Variants in PTGIS observed in about 807,000 individuals in gnomAD.
PTGIS encodes the protein prostacyclin synthase.
PTGIS carries 45 observed loss-of-function variants against 50.3 expected under a neutral mutation model. The observed-to-expected ratio is 0.90, with a 90% CI of 0.70 to 1.15. The LOEUF (loss-of-function observed/expected upper bound fraction) is 1.15, where lower values mean the gene tolerates loss of function less well. PTGIS is among the 50% of genes most tolerant of loss of function. The pLI, the probability that PTGIS is intolerant of heterozygous loss-of-function variation, is 0.00. For synonymous variants in PTGIS, 260 were observed against 267.7 expected (o/e 0.97, Z 0.28); for missense variants, 668 against 661.3 (o/e 1.01, Z -0.11).
chr20:49,531,990 G>A (rs1834229777), intron 5 of PTGIS, among the ~76,000 whole-genome samples: 2 of 152,120 alleles, frequency 1.3e-5, no homozygotes, highest in African/African-American at 2.4e-5. Context: ...CAGAGTAGCC[G>A]CAAGCCCCAG....
intron 5 of PTGIS, among the ~76,000 whole-genome samples, chr20:49,534,541 T>C (rs1338901220): frequency 1.3e-5 from 2 of 152,056 alleles, no homozygotes. Flanking sequence ...GTGGAGGAAA[T>C]GGTAATGGAG....
In PTGIS at chr20:49,514,215, T is replaced by A. The variant is rs1378898460; in HGVS notation, c.1024+12A>T. On this transcript the variant is annotated intron_variant, in intron 7 of 9. Coordinates refer to ENST00000244043, the MANE Select transcript of PTGIS (RefSeq NM_000961.4). ...GTCTTAGGGGCTATCTTGGAGGGTC[T>A]GACGATCTCACCAAGCACAGGTGTG... The A allele has an allele frequency of 6.2e-7, 1 of 1,613,092 alleles. No homozygotes were observed. Among genetic ancestry groups the A allele is most frequent in the Non-Finnish European group, 8.5e-7 (1 of 1,180,000 alleles).
rs1229452265 is a variant in PTGIS, at chr20:49,511,052, C to G, written c.1334G>C (p.Ser445Thr). The G allele has an allele frequency of 2.5e-6, 4 of 1,613,886 alleles. No homozygotes were observed. Among genetic ancestry groups the G allele is most frequent in the Non-Finnish European group, 2.5e-6 (3 of 1,180,004 alleles). ...GAGHNHCLGR[S>T]YAVNSIKQFV... is the part of the protein sequence containing the mutation. ...CTGTTTGATGCTGTTGACCGCATAA[C>G]TCCTCCCCAGGCAGTGATTGTGCCC... is the stretch of plus-strand genomic sequence containing the variant. Residue 445 changes from serine to threonine, a missense_variant, in exon 9 of 10, where the codon AGT becomes ACT. By Grantham distance (58) the Ser-to-Thr change is moderately conservative. Coordinates refer to ENST00000244043, the MANE Select transcript of PTGIS (RefSeq NM_000961.4).
Position 49,507,921 on chromosome 20 carries a change from C to T in PTGIS, c.1502G>A (p.Ter501=). 1 of 1,611,692 alleles carries T rather than the reference C, an allele frequency of 6.2e-7. No individual in the cohort carries two copies. Residue 501 remains the stop codon, a stop_retained_variant, in exon 10 of 10, where the codon TGA becomes TAA. Transcript: ENST00000244043. ...ACGTGGATCCATCTGCTCCCTGTGT[C>T]ATGGGCGGATGCGGTAGCGGACGGG... ...DVPVRYRIRP[*] is the part of the protein sequence containing the mutation.
intron 4 of PTGIS, among the ~76,000 whole-genome samples, chr20:49,542,005 C>T (rs1232745967): frequency 8.5e-5 from 13 of 152,144 alleles, no homozygotes; most frequent in Non-Finnish European, 5.9e-5. Flanking sequence ...AGGTGGCGCT[C>T]GCGATAAGGC....
chr20:49,564,487 T>C (rs1482950844), intron 1 of PTGIS, among the ~76,000 whole-genome samples: 5 of 152,074 alleles, frequency 3.3e-5, no homozygotes, highest in African/African-American at 1.2e-4. Context: ...TCCTGACCTC[T>C]TGATCGGCCC....
At chr20:49,529,039 G>T (rs1392869882) in intron 5 of PTGIS, among the ~76,000 whole-genome samples, 1 of 152,162 alleles carries the variant, frequency 6.6e-6, no homozygotes, top group Non-Finnish European at 1.5e-5. Context: ...ACAACATGAT[G>T]TTTTGATACA....
intron 4 of PTGIS, among the ~76,000 whole-genome samples, chr20:49,541,490 G>A (rs1982226913): frequency 6.6e-6 from 1 of 152,140 alleles, no homozygotes; most frequent in African/African-American, 2.4e-5. Context: ...CTAGCACTTT[G>A]GGATGCCGAG....
Position 49,511,075 on chromosome 20 carries a change from C to T in PTGIS, c.1311G>A (p.Gly437=). The change falls in exon 9 of 10, where the codon GGG becomes GGA. Residue 437 remains glycine, a synonymous_variant. Transcript: ENST00000244043. Reference sequence around the variant, plus strand: ...AACTCCTCCCCAGGCAGTGATTGTGCCCCGCCCCCCAGGGCATGTTGTAAT... The same window carrying T: ...AACTCCTCCCCAGGCAGTGATTGTGTCCCGCCCCCCAGGGCATGTTGTAAT... ...LKNYNMPWGA[G]HNHCLGRSYA... 6.2e-7 allele frequency: 1 copy of T among 1,613,986 alleles called. No individual in the cohort carries two copies. Among genetic ancestry groups the T allele is most frequent in the Non-Finnish European group, 8.5e-7 (1 of 1,179,936 alleles).
intron 6 of PTGIS, among the ~76,000 whole-genome samples, chr20:49,516,338 C>T (rs892437425): frequency 2.0e-5 from 3 of 152,144 alleles, no homozygotes; most frequent in Non-Finnish European, 2.9e-5. Flanking sequence ...AGTGCAATGG[C>T]ACGATCGTGG....
At position 49,567,950 on chromosome 20, in the gene PTGIS, C is replaced by A. The variant is rs192764505; in HGVS notation, c.74+93G>T. The A allele has an allele frequency of 1.6e-3, 1,990 of 1,239,488 alleles. 21 individuals are homozygous for A. The African/African-American group carries it at 0.029, about 18-fold the overall frequency. The allele number at this position is 1,239,488 out of a possible 1,614,324, so 76.8% of individuals were successfully genotyped here. A position where few individuals can be genotyped will look rare whatever the true frequency, so the allele number is the denominator to read the frequency against. ...CGGGATACTGGAGCGGGACTCGGGC[C>A]GGGCCGGCCGCGGGCTCCGAGACCC... On this transcript the variant is annotated intron_variant, in intron 1 of 9. Transcript: ENST00000244043.
intron 5 of PTGIS, among the ~76,000 whole-genome samples, chr20:49,526,320 G>A (rs546776932): frequency 1.3e-5 from 2 of 151,968 alleles, no homozygotes; most frequent in Admixed American, 6.5e-5. Context: ...ATTTAACACA[G>A]CTTTAGAAAT....
chr20:49,522,825 C>A (rs1981686360), intron 6 of PTGIS, among the ~76,000 whole-genome samples: 1 of 152,086 alleles, frequency 6.6e-6, no homozygotes, highest in Non-Finnish European at 1.5e-5. Context: ...AAGATCAAAA[C>A]CATCCTGGCC....
chr20:49,520,598 T>A (rs979983923), intron 6 of PTGIS, among the ~76,000 whole-genome samples: 1 of 152,112 alleles, frequency 6.6e-6, no homozygotes, highest in African/African-American at 2.4e-5. Flanking sequence ...CCTCTCAAAG[T>A]GCTGGGATTA....
rs1305911741 is a variant in PTGIS, at chr20:49,504,038, C to G, written c.*3882G>C. 6.6e-6 allele frequency: 1 copy of G among 152,236 alleles called. No individual in the cohort carries two copies. The highest frequency in any genetic ancestry group is 2.4e-5 in the African/African-American group (1 of 41,450). 9.4% of individuals were successfully genotyped at this position (152,236 alleles called of 1,614,324 possible). On this transcript the variant is annotated 3_prime_UTR_variant, in exon 10 of 10. Coordinates refer to ENST00000244043, the MANE Select transcript of PTGIS (RefSeq NM_000961.4). Reference sequence around the variant, plus strand: ...TCAAAATCAATGACTTTGGGCAAGACCTGTGAAATCTCAGAGCCTGTTTCT... The same window carrying G: ...TCAAAATCAATGACTTTGGGCAAGAGCTGTGAAATCTCAGAGCCTGTTTCT...
intron 1 of PTGIS, among the ~76,000 whole-genome samples, chr20:49,558,966 G>A (rs1434231017): frequency 6.6e-6 from 1 of 152,040 alleles, no homozygotes; most frequent in Non-Finnish European, 1.5e-5. Context: ...ACCTGCCTCC[G>A]CTTCACCAAG....
chr20:49,545,811 A>G (rs948501204), intron 3 of PTGIS, among the ~76,000 whole-genome samples: 29 of 152,218 alleles, frequency 1.9e-4, no homozygotes, highest in African/African-American at 7.0e-4. Context: ...GAGAGTGCCA[A>G]TCAGGGCCCT....
At chr20:49,561,164 C>G (rs1379579735) in intron 1 of PTGIS, among the ~76,000 whole-genome samples, 1 of 152,182 alleles carries the variant, frequency 6.6e-6, no homozygotes, top group Non-Finnish European at 1.5e-5. Flanking sequence ...CCCTCTCTAC[C>G]TCCCTCTGCC....
At chr20:49,536,756 T>C (rs1239695383) in intron 5 of PTGIS, among the ~76,000 whole-genome samples, 2 of 152,140 alleles carry the variant, frequency 1.3e-5, no homozygotes, top group Non-Finnish European at 2.9e-5. Context: ...GTGCTGGGAT[T>C]ACAGGCATGA....
Sources: gnomAD v4.1 joint callset for allele counts (sites outside exome capture counted in the v4.1 genomes callset) on GRCh38, gnomAD v4.1.1 for gene constraint, MANE v1.5 for transcripts, NCBI Gene and HGNC (gene_info 2026-07-23, HGNC 2026-07-21) for gene names.